Variants in RAB11FIP1 observed in about 807,000 individuals in gnomAD.
RAB11FIP1 encodes the protein rab11 family-interacting protein 1.
A neutral mutation model predicts 83.1 loss-of-function variants in RAB11FIP1; 49 were observed. The observed-to-expected ratio is 0.59, with a 90% confidence interval of 0.47 to 0.75. The LOEUF (loss-of-function observed/expected upper bound fraction) is 0.75, where lower values mean the gene tolerates loss of function less well. Among genes scored for constraint, RAB11FIP1 ranks in the 30% least tolerant of loss-of-function variants. RAB11FIP1 has a pLI of 0.00. For synonymous variants in RAB11FIP1, 670 were observed against 656.0 expected (o/e 1.02, Z -0.33); for missense variants, 1,536 against 1,598.7 (o/e 0.96, Z 0.67).
At chr8:37,878,732 G>A (rs761926599) in intron 1 of RAB11FIP1, among the ~76,000 whole-genome samples, 46 of 151,274 alleles carry the variant, frequency 3.0e-4, no homozygotes, top group South Asian at 8.4e-4. Flanking sequence ...GGGCATGGTG[G>A]CTCACACCTG....
chr8:37,874,141 C>T (rs1806548705), intron 3 of RAB11FIP1, among the ~76,000 whole-genome samples: 1 of 152,182 alleles, frequency 6.6e-6, no homozygotes, highest in Non-Finnish European at 1.5e-5. Flanking sequence ...ACATCTGGCT[C>T]AAAGGGAAAT....
At chr8:37,886,201 C>G (rs145739825) in intron 1 of RAB11FIP1, among the ~76,000 whole-genome samples, 2 of 152,314 alleles carry the variant, frequency 1.3e-5, no homozygotes, top group African/African-American at 4.8e-5. Flanking sequence ...GGATGGGGAA[C>G]AGGCTCACCC....
intron 1 of RAB11FIP1, among the ~76,000 whole-genome samples, chr8:37,897,746 C>A (rs1455345372): frequency 6.6e-6 from 1 of 152,106 alleles, no homozygotes; most frequent in African/African-American, 2.4e-5. Flanking sequence ...CGGGCTCCTT[C>A]CAACCTGGAG....
chr8:37,872,289 A>G lies in RAB11FIP1; in HGVS notation c.2513T>C (p.Leu838Pro), dbSNP rs577803205. ...VEGHSSCPQE[L>P]NPAWSVAGNA... ...TCCAGCAACAGACCATGCAGGGTTC[A>G]GCTCCTGGGGACAACTGCTGTGTCC... Residue 838 changes from leucine to proline, a missense_variant, in exon 4 of 6, where the codon CTG becomes CCG. Leu to Pro is a moderately conservative substitution (Grantham distance 98). Transcript: ENST00000330843. The G allele has an allele frequency of 2.5e-6, 4 of 1,614,024 alleles. No individual in the cohort carries two copies. In the East Asian group the frequency reaches 8.9e-5, roughly 36 times the overall value.
At chr8:37,874,125 A>G (rs1016986401) in intron 3 of RAB11FIP1, among the ~76,000 whole-genome samples, 44 of 152,266 alleles carry the variant, frequency 2.9e-4, no homozygotes, top group African/African-American at 1.0e-3. Flanking sequence ...GCAAGGAGGC[A>G]GGATAACATC....
Position 37,871,290 on chromosome 8 carries a change from G to T in RAB11FIP1, c.3512C>A (p.Ser1171Ter). 1 of 1,609,448 alleles carries T rather than the reference G, an allele frequency of 6.2e-7. No individual in the cohort carries two copies. The highest frequency in any genetic ancestry group is 1.1e-5 in the South Asian group (1 of 90,446). ...CCCCATCTCTCACCTGTGCTTGGCTGACCCAGTTCCAGCGCCTGGCTGAGC... is the reference window on the plus strand; with the variant it reads ...CCCCATCTCTCACCTGTGCTTGGCTTACCCAGTTCCAGCGCCTGGCTGAGC... ...VSAQPGAGTG[S>*]AKHRLHPVKP... is the part of the protein sequence containing the mutation. The change falls in exon 4 of 6, where the codon TCA becomes TAA. Residue 1171 changes from serine to a stop codon, truncating the protein, a stop_gained. Coordinates refer to ENST00000330843, the MANE Select transcript of RAB11FIP1 (RefSeq NM_001002814.3). LOFTEE classifies it high-confidence loss of function.
chr8:37,888,461 T>C (rs1806876288), intron 1 of RAB11FIP1, among the ~76,000 whole-genome samples: 1 of 151,956 alleles, frequency 6.6e-6, no homozygotes, highest in African/African-American at 2.4e-5. Context: ...GATCAGTGTG[T>C]ACTTTCTTTA....
intron 1 of RAB11FIP1, among the ~76,000 whole-genome samples, chr8:37,889,245 G>A (rs1806898487): frequency 1.3e-5 from 2 of 152,080 alleles, no homozygotes; most frequent in South Asian, 4.1e-4. Context: ...AATCAAGATA[G>A]GTTTTCTAAG....
intron 1 of RAB11FIP1, among the ~76,000 whole-genome samples, chr8:37,878,533 CA>C (rs918942295): frequency 0.073 from 1,760 of 24,132 alleles, 5 homozygotes; most frequent in African/African-American, 0.17. Flanking sequence ...GACTCCATCT[CA>C]AAAAAAAAAA....
intron 1 of RAB11FIP1, among the ~76,000 whole-genome samples, chr8:37,889,395 C>G (rs1040706287): frequency 6.6e-6 from 1 of 152,096 alleles, no homozygotes; most frequent in Non-Finnish European, 1.5e-5. Flanking sequence ...CATGACTTAC[C>G]AATTCTTTAC....
Position 37,863,066 on chromosome 8 carries a change from G to A in RAB11FIP1, c.3681C>T (p.His1227=), listed in dbSNP as rs770647309. 15 of 1,612,892 alleles carry A rather than the reference G, an allele frequency of 9.3e-6. No homozygotes were observed. Among genetic ancestry groups the A allele is most frequent in the Admixed American group, 1.7e-5 (1 of 60,000 alleles). ...DPAFAYAQLT[H]DELIQLVLKQ... ...TGAGGACCAGCTGAATCAGCTCATC[G>A]TGGGTCAGCTGCGCATATGCAAATG... is the stretch of plus-strand genomic sequence containing the variant. Residue 1227 remains histidine, a synonymous_variant, in exon 6 of 6, where the codon CAC becomes CAT. Transcript: ENST00000330843.
chr8:37,898,158 A>G (rs984203625), intron 1 of RAB11FIP1, among the ~76,000 whole-genome samples: 2 of 152,206 alleles, frequency 1.3e-5, no homozygotes, highest in African/African-American at 4.8e-5. Context: ...GTTGGAATTC[A>G]TCTAAAATTC....
At position 37,875,175 on chromosome 8, in the gene RAB11FIP1, C is replaced by G; in HGVS notation, c.962G>C (p.Gly321Ala). Residue 321 changes from glycine (G) to alanine (A), a missense_variant, in exon 3 of 6, where the codon GGG becomes GCG. By Grantham distance (60) the Gly-to-Ala change is moderately conservative (BLOSUM62 0). Transcript: ENST00000330843. The stretch of plus-strand genomic sequence containing the variant: ...TGGCTGCTCCAGGTAAACATGGTTC[C>G]CATTGATGCAGACATTAGAGCGGGA... Reference protein sequence around the residue: ...VLSRSNVCINGNHVYLEQPEA... With the variant: ...VLSRSNVCINANHVYLEQPEA... 6.2e-7 allele frequency: 1 copy of G among 1,614,018 alleles called. No individual in the cohort carries two copies. The highest frequency in any genetic ancestry group is 1.1e-5 in the South Asian group (1 of 91,074).
At chr8:37,869,695 T>A (rs1372087833) in intron 5 of RAB11FIP1, among the ~76,000 whole-genome samples, 1 of 152,114 alleles carries the variant, frequency 6.6e-6, no homozygotes, top group Non-Finnish European at 1.5e-5. Flanking sequence ...ACAACTTACT[T>A]CCAAATGATT....
Position 37,874,664 on chromosome 8 carries a change from A to C in RAB11FIP1, c.1473T>G (p.Thr491=). 1 of 1,614,228 alleles carries C rather than the reference A, an allele frequency of 6.2e-7. No individual in the cohort carries two copies. Among genetic ancestry groups the C allele is most frequent in the Non-Finnish European group, 8.5e-7 (1 of 1,180,040 alleles). ...TGCCCTGTCTGGAGACAACAGCTGCAGTATCTTTCTCAGATCTTCTCACAA... is the reference window on the plus strand; with the variant it reads ...TGCCCTGTCTGGAGACAACAGCTGCCGTATCTTTCTCAGATCTTCTCACAA... ...EDLVRRSEKD[T]AAVVSRQGSS... The change falls in exon 3 of 6, where the codon ACT becomes ACG. Residue 491 remains threonine, a synonymous_variant. Transcript: ENST00000330843.
At chr8:37,870,737 A>C (rs774290836) in intron 4 of RAB11FIP1, 35 of 498,332 alleles carry the variant, frequency 7.0e-5, no homozygotes, top group Non-Finnish European at 1.2e-4. Context: ...CCAGGAAAGC[A>C]TGTCCTTGTC....
At position 37,875,440 on chromosome 8, in the gene RAB11FIP1, T is replaced by G; in HGVS notation, c.815-118A>C. On this transcript the variant is annotated intron_variant, in intron 2 of 5. Transcript: ENST00000330843. The stretch of plus-strand genomic sequence containing the variant: ...TTGCCACAACTTGGAGGGGGTGTGC[T>G]GCTATTCGTATCCAGCAGGTAGAGG... 1.1e-5 allele frequency: 8 copies of G among 729,394 alleles called. No homozygotes were observed. The South Asian group carries it at 1.3e-4, about 12-fold the overall frequency. The allele number at this position is 729,394 out of a possible 1,614,324, so 45.2% of individuals were successfully genotyped here. A position where few individuals can be genotyped will look rare whatever the true frequency, so the allele number is the denominator to read the frequency against.
Position 37,899,083 on chromosome 8 carries a change from C to A in RAB11FIP1, c.359G>T (p.Arg120Leu), listed in dbSNP as rs1229268540. 3.3e-6 allele frequency: 5 copies of A among 1,507,910 alleles called. No individual in the cohort carries two copies. Among genetic ancestry groups the A allele is most frequent in the Non-Finnish European group, 4.4e-6 (5 of 1,137,604 alleles). 93.4% of individuals were successfully genotyped at this position (1,507,910 alleles called of 1,614,324 possible). The change falls in exon 1 of 6, where the codon CGC becomes CTC. Residue 120 changes from arginine (R) to leucine (L), a missense_variant. Arg to Leu is a moderately radical substitution (Grantham distance 102). Coordinates refer to ENST00000330843, the MANE Select transcript of RAB11FIP1 (RefSeq NM_001002814.3). This position sits in a 1 kb window ranked among gnomAD's most constrained non-coding sequence, Gnocchi z 4.5. The part of the protein sequence containing the change: ...DLRDLHRDQG[R>L]RKTQWYKLKS... Reference sequence around the variant, plus strand: ...CGCCCGCACTCACTGCGTCTTCCTGCGGCCCTGGTCGCGGTGCAGATCCCG... The same window carrying A: ...CGCCCGCACTCACTGCGTCTTCCTGAGGCCCTGGTCGCGGTGCAGATCCCG...
chr8:37,877,284 C>A lies in RAB11FIP1; in HGVS notation c.639G>T (p.Lys213Asn), dbSNP rs143926211. 2 of 1,614,166 alleles carry A rather than the reference C, an allele frequency of 1.2e-6. No homozygotes were observed. Among genetic ancestry groups the A allele is most frequent in the Non-Finnish European group, 1.7e-6 (2 of 1,180,024 alleles). ...AAAGTAAGGTCTTGATCTTTGATTTCTTTTTCTTGTCTTTAACCACAGACT... is the reference window on the plus strand; with the variant it reads ...AAAGTAAGGTCTTGATCTTTGATTTATTTTTCTTGTCTTTAACCACAGACT... The part of the protein sequence containing the change: ...DDESVVKDKK[K>N]KSKIKTLLSK... The change falls in exon 2 of 6, where the codon AAG (lysine) becomes AAT (asparagine). Residue 213 changes from lysine to asparagine, a missense_variant. Physicochemically the swap from Lys to Asn is moderately conservative, Grantham distance 94. Transcript: ENST00000330843.
Sources: allele counts gnomAD v4.1 joint callset (sites outside exome capture counted in the v4.1 genomes callset), GRCh38; gene constraint gnomAD v4.1.1; non-coding constraint Gnocchi (gnomAD v3.1); transcripts MANE v1.5; gene names NCBI Gene and HGNC (gene_info 2026-07-23, HGNC 2026-07-21).